The following GSTM4 variants were observed in gnomAD, a reference collection of about 807,000 sequenced individuals.
GSTM4 encodes the protein glutathione S-transferase mu 4.
In GSTM4, 27 loss-of-function variants were observed where a neutral mutation model predicts 30.1. That is an observed-to-expected ratio of 0.90 (90% confidence interval 0.66 to 1.24). The LOEUF (loss-of-function observed/expected upper bound fraction) is 1.24, where lower values mean the gene tolerates loss of function less well. Among genes scored for constraint, GSTM4 ranks in the 50% most tolerant of loss-of-function variants. The pLI is 0.00. For missense variants in GSTM4, 238 were observed against 272.1 expected, an observed-to-expected ratio of 0.87 and a Z score of 0.88; for synonymous variants, 94 against 96.2, an observed-to-expected ratio of 0.98 and a Z score of 0.13.
intron 2 of GSTM4, 37 bp downstream of exon 2, chr1:109,656,824 C>T (rs770225525): frequency 5.6e-6 from 9 of 1,593,968 alleles, no homozygotes; most frequent in Admixed American, 1.7e-5. Flanking sequence ...TGCCCACTCA[C>T]GCTGAGTTGG....
chr1:109,657,742 C>T (rs372178372), intron 4 of GSTM4, 30 bp from the exon 5 acceptor site: 5 of 1,613,910 alleles, frequency 3.1e-6, no homozygotes, highest in Non-Finnish European at 4.2e-6. Flanking sequence ...GTGCTATGCT[C>T]AGAGTGAGTC....
intron 3 of GSTM4, 33 bp downstream of exon 3, chr1:109,657,312 A>G: frequency 1.9e-6 from 3 of 1,608,096 alleles, no homozygotes; most frequent in Non-Finnish European, 2.6e-6. Context: ...TTTTGGGGGA[A>G]AGTGCGACGT....
At chr1:109,658,490 C>T (rs142834408) in intron 5 of GSTM4, 3 of 336,236 alleles carry the variant, frequency 8.9e-6, no homozygotes, top group East Asian at 1.2e-4. Flanking sequence ...TTCTTTGTAT[C>T]CTTGATTTTG....
Position 109,659,224 on chromosome 1 carries a change from C to T in GSTM4, c.567+114C>T. 2.5e-6 allele frequency: 4 copies of T among 1,613,838 alleles called. No individual in the cohort carries two copies. The South Asian group carries it at 3.3e-5, about 13-fold the overall frequency. The stretch of plus-strand genomic sequence containing the variant: ...ATAACTTGCATTTATTGAGTGCTGG[C>T]TTCATGCCAGGAACCTTGCCCAGCA... On this transcript the variant is annotated intron_variant, in intron 7 of 7. Transcript: ENST00000369836.
chr1:109,656,477 C>G (rs748948251), intron 1 of GSTM4, 52 bp downstream of exon 1: 2 of 1,604,376 alleles, frequency 1.2e-6, no homozygotes, highest in Non-Finnish European at 1.7e-6. Context: ...CGGGAAGTGC[C>G]GAGCGGCTGG....
At chr1:109,665,235 TCTGA>T (rs1390986071), downstream of GSTM4, 1 of 621,582 alleles carries the variant, frequency 1.6e-6, no homozygotes. Context: ...ATTTGACCTC[TCTGA>T]CTGGGACATC....
At chr1:109,659,571 A>G in intron 7 of GSTM4, 1 of 440,824 alleles carries the variant, frequency 2.3e-6, no homozygotes, top group South Asian at 2.3e-5. Context: ...ACACGGTGGC[A>G]TTGACGTCGA....
intron 7 of GSTM4, chr1:109,660,822 C>G: frequency 3.3e-6 from 1 of 301,190 alleles, no homozygotes; most frequent in Non-Finnish European, 6.3e-6. Flanking sequence ...TACTGAACTT[C>G]TGTTTCCCAC....
In GSTM4 at chr1:109,657,830, C is replaced by A; in HGVS notation, c.318C>A (p.Asp106Glu). Reference sequence around the variant, plus strand: ...ACATTTTGGAGAACCAGGCTATGGACGTCTCCAATCAGCTGGCCAGAGTCT... The same window carrying A: ...ACATTTTGGAGAACCAGGCTATGGAAGTCTCCAATCAGCTGGCCAGAGTCT... ...RVDILENQAM[D>E]VSNQLARVCY... The change falls in exon 5 of 8, where the codon GAC becomes GAA. Residue 106 changes from aspartate (D) to glutamate (E), a missense_variant. Transcript: ENST00000369836. 6.2e-7 allele frequency: 1 copy of A among 1,614,142 alleles called. No homozygotes were observed. Among genetic ancestry groups the A allele is most frequent in the South Asian group, 1.1e-5 (1 of 91,082 alleles).
At chr1:109,657,692 T>C (rs570975187) in intron 4 of GSTM4, 21 bp downstream of exon 4, 2 of 1,614,102 alleles carry the variant, frequency 1.2e-6, no homozygotes, top group Admixed American at 1.7e-5. Context: ...TTGGCTGCAG[T>C]GTGTGGGGGG....
At chr1:109,658,474 C>A in intron 5 of GSTM4, 3 of 309,028 alleles carry the variant, frequency 9.7e-6, no homozygotes, top group East Asian at 6.9e-5. Flanking sequence ...CTCTGAGCTC[C>A]TTTAGTTCTT....
downstream of GSTM4, among the ~76,000 whole-genome samples, chr1:109,664,377 T>TTTTTTTTTTTTTTG (rs1647232068): frequency 1.6e-5 from 2 of 128,192 alleles, no homozygotes; most frequent in Admixed American, 8.0e-5. Flanking sequence ...TTTTTTTTTT[T>TTTTTTTTTTTTTTG]GATGTGGAGT....
chr1:109,661,787 C>A, downstream of GSTM4: 1 of 847,196 alleles, frequency 1.2e-6, no homozygotes, highest in Non-Finnish European at 1.4e-6. Flanking sequence ...GTGACCCTGG[C>A]AGTAGCTGGG....
At chr1:109,659,635 A>G (rs1413257517) in intron 7 of GSTM4, 2 of 359,514 alleles carry the variant, frequency 5.6e-6, no homozygotes, top group Non-Finnish European at 1.0e-5. Flanking sequence ...TTGCACGATC[A>G]GACCCCCACG....
At position 109,657,742 on chromosome 1, in the gene GSTM4, C is replaced by G. The variant is rs372178372; in HGVS notation, c.260-30C>G. 42 of 1,613,910 alleles carry G rather than the reference C, an allele frequency of 2.6e-5. 1 individual carries two copies. Among genetic ancestry groups the G allele is most frequent in the South Asian group, 1.2e-4 (11 of 91,076 alleles). ...CTTGGCTGGATTGGGGTGCTATGCT[C>G]AGAGTGAGTCTGTGTTTTGTGGGTG... On this transcript the variant is annotated intron_variant, in intron 4 of 7. Transcript: ENST00000369836.
Position 109,657,848 on chromosome 1 carries a change from C to T in GSTM4, c.336C>T (p.Ala112=), listed in dbSNP as rs1361608602. 2 of 1,614,122 alleles carry T rather than the reference C, an allele frequency of 1.2e-6. No individual in the cohort carries two copies. Among genetic ancestry groups the T allele is most frequent in the Admixed American group, 1.7e-5 (1 of 60,018 alleles). The part of the protein sequence containing the change: ...NQAMDVSNQL[A]RVCYSPDFEK... ...CTATGGACGTCTCCAATCAGCTGGC[C>T]AGAGTCTGCTACAGCCCTGACTTTG... The change falls in exon 5 of 8, where the codon GCC becomes GCT. Residue 112 remains alanine, a synonymous_variant. Coordinates refer to ENST00000369836, the MANE Select transcript of GSTM4 (RefSeq NM_000850.5).
chr1:109,656,661 C>T, intron 1 of GSTM4, 51 bp from the exon 2 acceptor site: 1 of 1,578,546 alleles, frequency 6.3e-7, no homozygotes, highest in South Asian at 1.1e-5. Flanking sequence ...AGAAAGTCAC[C>T]AAGTCAGGGA....
chr1:109,661,560 G>T lies in GSTM4; in HGVS notation c.*306G>T, dbSNP rs148481254. 5.4e-6 allele frequency: 7 copies of T among 1,291,112 alleles called. No individual in the cohort carries two copies. In the African/African-American group the frequency reaches 7.4e-5, roughly 14 times the overall value. 80.0% of individuals were successfully genotyped at this position (1,291,112 alleles called of 1,614,324 possible). A position where few individuals can be genotyped will look rare whatever the true frequency, so the allele number is the denominator to read the frequency against. On this transcript the variant is annotated 3_prime_UTR_variant, in exon 8 of 8. Transcript: ENST00000369836. ...TTAGTGGTTGTATCTGCTTTGAAGGGCCTACCTGGCCCCTCGCCTGTGGAG... is the reference window on the plus strand; with the variant it reads ...TTAGTGGTTGTATCTGCTTTGAAGGTCCTACCTGGCCCCTCGCCTGTGGAG...
At position 109,657,988 on chromosome 1, in the gene GSTM4, A is replaced by G. The variant is rs1286565186; in HGVS notation, c.360+116A>G. 4.9e-6 allele frequency: 4 copies of G among 812,406 alleles called. No individual in the cohort carries two copies. The African/African-American group carries it at 5.1e-5, about 10-fold the overall frequency. 50.3% of individuals were successfully genotyped at this position (812,406 alleles called of 1,614,324 possible). ...ATCCTCTGAGGGTTCCCTGTACTGT[A>G]GCAGAGTGACTGTCATATCATTAAA... is the stretch of plus-strand genomic sequence containing the variant. On this transcript the variant is annotated intron_variant, in intron 5 of 7. Transcript: ENST00000369836.
Sources: allele counts gnomAD v4.1 joint callset (sites outside exome capture counted in the v4.1 genomes callset), GRCh38; gene constraint gnomAD v4.1.1; transcripts MANE v1.5; gene names NCBI Gene and HGNC (gene_info 2026-07-23, HGNC 2026-07-21).